TBC1D32: variants seen among roughly 807,000 people sequenced by gnomAD.
The protein encoded by TBC1D32 is protein broad-minded.
TBC1D32 carries 151 observed loss-of-function variants against 170.3 expected under a neutral mutation model. The ratio of observed to expected loss-of-function variants is 0.89; its 90% CI spans 0.78 to 1.01. The LOEUF is 1.01. Ranked by LOEUF, TBC1D32 falls within the 50% of genes least tolerant of loss-of-function variation. The pLI, the probability that TBC1D32 is intolerant of heterozygous loss-of-function variation, is 0.00. For synonymous variants in TBC1D32, 498 were observed against 488.0 expected (o/e 1.02, Z -0.27); for missense variants, 1,464 against 1,457.1 (o/e 1.00, Z -0.08).
chr6:121,255,257 T>A, intron 17 of TBC1D32, 71 bp downstream of exon 17: 3 of 942,106 alleles, frequency 3.2e-6, no homozygotes, highest in Non-Finnish European at 3.1e-6. Flanking sequence ...TAGTATTCTA[T>A]TACATTTTAA....
At chr6:121,231,466 A>G (rs141328624) in intron 20 of TBC1D32, among the ~76,000 whole-genome samples, 3,665 of 152,174 alleles carry the variant, frequency 0.024, 162 homozygotes, top group East Asian at 0.12. Context: ...CAAATAGTAG[A>G]TCTACTTTTA....
chr6:121,127,161 C>T (rs1005115082), intron 25 of TBC1D32, among the ~76,000 whole-genome samples: 2 of 152,096 alleles, frequency 1.3e-5, no homozygotes, highest in Non-Finnish European at 2.9e-5. Flanking sequence ...GTACACTTTA[C>T]TCACTATGTA....
At chr6:121,082,469 T>C (rs1044003849) in intron 31 of TBC1D32, among the ~76,000 whole-genome samples, 2 of 152,030 alleles carry the variant, frequency 1.3e-5, no homozygotes, top group African/African-American at 4.8e-5. Flanking sequence ...ACCTCTTCAC[T>C]AAAACTATAC....
intron 31 of TBC1D32, among the ~76,000 whole-genome samples, chr6:121,088,101 C>A (rs766030099): frequency 1.3e-5 from 2 of 151,830 alleles, no homozygotes; most frequent in Non-Finnish European, 2.9e-5. Flanking sequence ...TAGGTGTGTG[C>A]CACCACACCT....
intron 22 of TBC1D32, chr6:121,170,337 A>C: frequency 7.1e-7 from 1 of 1,409,554 alleles, no homozygotes; most frequent in Non-Finnish European, 9.4e-7. Context: ...CTATATCAAA[A>C]ATTACTGTCT....
intron 3 of TBC1D32, among the ~76,000 whole-genome samples, chr6:121,313,095 A>C (rs1808441079): frequency 7.0e-6 from 1 of 143,774 alleles, no homozygotes; most frequent in Non-Finnish European, 1.5e-5. Context: ...ATGCCATGCC[A>C]AGCTAAGGTG....
intron 1 of TBC1D32, among the ~76,000 whole-genome samples, chr6:121,328,879 A>G (rs1296364277): frequency 6.6e-6 from 1 of 152,214 alleles, no homozygotes; most frequent in South Asian, 2.1e-4. Flanking sequence ...TTTAGAAGTA[A>G]TTTAATGAGA....
intron 21 of TBC1D32, among the ~76,000 whole-genome samples, chr6:121,213,524 T>TA (rs371151560): frequency 0.31 from 9,406 of 30,570 alleles, 1,345 homozygotes; most frequent in Middle Eastern, 0.41. Flanking sequence ...TAAAATAAAA[T>TA]AAATAAAATA....
intron 21 of TBC1D32, among the ~76,000 whole-genome samples, chr6:121,210,831 C>A (rs1472183392): frequency 1.3e-5 from 2 of 152,116 alleles, no homozygotes; most frequent in Non-Finnish European, 2.9e-5. Flanking sequence ...AGGACAAAGA[C>A]CCGAGAGTAG....
At chr6:121,224,467 T>C (rs929426535) in intron 20 of TBC1D32, 1 of 152,132 alleles carries the variant, frequency 6.6e-6, no homozygotes, top group Non-Finnish European at 1.5e-5. Context: ...ACCAGAAATT[T>C]GAAAATTCAG....
intron 30 of TBC1D32, among the ~76,000 whole-genome samples, chr6:121,099,292 A>T (rs1367251835): frequency 6.6e-6 from 1 of 151,968 alleles, no homozygotes; most frequent in African/African-American, 2.4e-5. Context: ...GACTTTTTTT[A>T]ACAGAAGATA....
intron 18 of TBC1D32, 52 bp downstream of exon 18, chr6:121,242,149 G>C (rs1266697068): frequency 1.2e-5 from 19 of 1,569,292 alleles, no homozygotes; most frequent in Non-Finnish European, 1.6e-5. Flanking sequence ...GTTCTTAATG[G>C]CTTTTAAAAC....
chr6:121,080,951 T>G (rs997664203), intron 31 of TBC1D32, 61 bp from the exon 32 acceptor site: 7 of 1,573,594 alleles, frequency 4.4e-6, no homozygotes, highest in Non-Finnish European at 6.0e-6. Context: ...TCCAAGTTAA[T>G]GAATTTTAAA....
At chr6:121,199,966 A>G (rs2892765) in intron 22 of TBC1D32, among the ~76,000 whole-genome samples, 16,604 of 151,176 alleles carry the variant, frequency 0.11, 2,179 homozygotes, top group African/African-American at 0.28. Flanking sequence ...AGACTTTTTT[A>G]ACAAAGAAGC....
At chr6:121,210,243 G>A (rs1410040621) in intron 21 of TBC1D32, among the ~76,000 whole-genome samples, 4 of 152,116 alleles carry the variant, frequency 2.6e-5, no homozygotes, top group African/African-American at 7.2e-5. Context: ...TGAATGAAAA[G>A]ACCATTAATG....
At chr6:121,319,711 A>T (rs900940606) in intron 2 of TBC1D32, among the ~76,000 whole-genome samples, 2 of 152,222 alleles carry the variant, frequency 1.3e-5, no homozygotes, top group Non-Finnish European at 2.9e-5. Context: ...TTTAGAAAAG[A>T]CCAGCATAAA....
intron 31 of TBC1D32, among the ~76,000 whole-genome samples, chr6:121,086,070 T>C (rs1457469983): frequency 1.3e-5 from 2 of 152,144 alleles, no homozygotes; most frequent in Non-Finnish European, 2.9e-5. Context: ...GCTTGTATTC[T>C]CTACATATCT....
intron 31 of TBC1D32, among the ~76,000 whole-genome samples, chr6:121,090,553 A>C (rs1233666912): frequency 6.6e-6 from 1 of 152,210 alleles, no homozygotes; most frequent in Non-Finnish European, 1.5e-5. Context: ...TTAAACTTTT[A>C]TTGACCAAAT....
intron 22 of TBC1D32, among the ~76,000 whole-genome samples, chr6:121,196,789 A>T (rs1790795022): frequency 6.6e-6 from 1 of 152,200 alleles, no homozygotes; most frequent in Non-Finnish European, 1.5e-5. Flanking sequence ...CAAATTCTAC[A>T]GAAGGCCACG....
Sources: allele counts gnomAD v4.1 joint callset (sites outside exome capture counted in the v4.1 genomes callset), GRCh38; gene constraint gnomAD v4.1.1; transcripts MANE v1.5; gene names NCBI Gene and HGNC (gene_info 2026-07-23, HGNC 2026-07-21).